The following ANKRD13A variants were observed in gnomAD, a reference collection of about 807,000 sequenced individuals.
The protein encoded by ANKRD13A is ankyrin repeat domain 13A.
In ANKRD13A, 48 loss-of-function variants were observed where a neutral mutation model predicts 81.3. The observed-to-expected ratio is 0.59, with a 90% CI of 0.47 to 0.75. The LOEUF is 0.75. Ranked by LOEUF, ANKRD13A falls within the 30% of genes least tolerant of loss-of-function variation. The pLI is 0.00. For missense variants in ANKRD13A, 612 were observed against 734.0 expected (o/e 0.83, Z 1.92); for synonymous variants, 230 against 270.1 (o/e 0.85, Z 1.45).
At chr12:110,027,995 C>G in intron 9 of ANKRD13A, 1 of 534,332 alleles carries the variant, frequency 1.9e-6, no homozygotes, top group Non-Finnish European at 3.3e-6. Flanking sequence ...AGGTGCTTTC[C>G]CTCTTATCCA....
chr12:110,012,048 T>C lies in ANKRD13A; in HGVS notation c.140T>C (p.Leu47Pro), dbSNP rs1593204213. The C allele has an allele frequency of 6.2e-7, 1 of 1,613,476 alleles. No individual in the cohort carries two copies. Among genetic ancestry groups the C allele is most frequent in the East Asian group, 2.2e-5 (1 of 44,878 alleles). The change falls in exon 2 of 15, where the codon CTT becomes CCT. Residue 47 changes from leucine to proline, a missense_variant. By Grantham distance (98) the Leu-to-Pro change is moderately conservative. Coordinates refer to ENST00000261739, the MANE Select transcript of ANKRD13A (RefSeq NM_033121.2). ...VDPRGRTLLH[L>P]AVSLGHLESA... is the part of the protein sequence containing the mutation. ...CCACGAGGTCGAACATTATTGCATCTTGCTGTTTCCTTGGGACATTTGGAA... is the reference window on the plus strand; with the variant it reads ...CCACGAGGTCGAACATTATTGCATCCTGCTGTTTCCTTGGGACATTTGGAA...
intron 4 of ANKRD13A, among the ~76,000 whole-genome samples, chr12:110,016,959 G>T (rs1160299530): frequency 6.6e-6 from 1 of 151,956 alleles, no homozygotes; most frequent in Non-Finnish European, 1.5e-5. Context: ...TTTTAGTAGA[G>T]AGTGGGGTTT....
intron 4 of ANKRD13A, among the ~76,000 whole-genome samples, chr12:110,017,028 C>A (rs1890835814): frequency 6.6e-6 from 1 of 152,090 alleles, no homozygotes; most frequent in Non-Finnish European, 1.5e-5. Flanking sequence ...CCCACCCTAG[C>A]CCCCCAAAGT....
intron 6 of ANKRD13A, among the ~76,000 whole-genome samples, chr12:110,023,050 G>T (rs546071308): frequency 3.9e-5 from 6 of 152,164 alleles, no homozygotes; most frequent in African/African-American, 7.2e-5. Flanking sequence ...GCTAATAACC[G>T]CATATGTTCT....
At chr12:110,027,592 G>C (rs1370176398) in intron 8 of ANKRD13A, 113 bp from the exon 9 acceptor site, 4 of 945,578 alleles carry the variant, frequency 4.2e-6, no homozygotes, top group Non-Finnish European at 5.1e-6. Flanking sequence ...CAGCCAGTCT[G>C]TAATTGCATT....
At chr12:110,011,623 C>T (rs147375947) in intron 1 of ANKRD13A, among the ~76,000 whole-genome samples, 145 of 152,312 alleles carry the variant, frequency 9.5e-4, no homozygotes, top group African/African-American at 3.4e-3. Flanking sequence ...GACTTGAATG[C>T]TGATATGTGC....
In ANKRD13A at chr12:110,037,818, G is replaced by A. The variant is rs571197795; in HGVS notation, c.*264G>A. The A allele has an allele frequency of 4.7e-5, 15 of 316,096 alleles. No individual in the cohort carries two copies. In the South Asian group the frequency reaches 1.4e-3, roughly 28 times the overall value. The allele number at this position is 316,096 out of a possible 1,614,324, so 19.6% of individuals were successfully genotyped here. On this transcript the variant is annotated 3_prime_UTR_variant, in exon 15 of 15. Coordinates refer to ENST00000261739, the MANE Select transcript of ANKRD13A (RefSeq NM_033121.2). ...ATCATCACTTTCCATTAGCTGTATT[G>A]GCTTGCAGGTCACATTTTTACTACC...
intron 7 of ANKRD13A, among the ~76,000 whole-genome samples, chr12:110,024,545 G>A (rs895100837): frequency 6.6e-6 from 1 of 152,180 alleles, no homozygotes; most frequent in Non-Finnish European, 1.5e-5. Flanking sequence ...TGACATCAGT[G>A]CATTTAAAAC....
chr12:110,020,235 C>A (rs905810071), intron 6 of ANKRD13A, among the ~76,000 whole-genome samples: 1 of 152,192 alleles, frequency 6.6e-6, no homozygotes, highest in Non-Finnish European at 1.5e-5. Context: ...CCACATCCAG[C>A]TCTCTGCAAG....
intron 1 of ANKRD13A, among the ~76,000 whole-genome samples, chr12:110,001,918 T>A (rs1454354314): frequency 1.3e-5 from 2 of 152,194 alleles, no homozygotes; most frequent in Non-Finnish European, 2.9e-5. Context: ...AGGTAAAAAC[T>A]GTAAGACTCA....
intron 2 of ANKRD13A, among the ~76,000 whole-genome samples, chr12:110,012,599 G>A (rs1193955149): frequency 2.0e-5 from 3 of 152,202 alleles, no homozygotes; most frequent in Non-Finnish European, 4.4e-5. Flanking sequence ...ATACACGAAT[G>A]TGGAGGCCAG....
intron 3 of ANKRD13A, among the ~76,000 whole-genome samples, chr12:110,014,997 C>T (rs907940987): frequency 6.6e-6 from 1 of 151,890 alleles, no homozygotes; most frequent in Non-Finnish European, 1.5e-5. Context: ...ACCATGGTCT[C>T]GATCTCCTGA....
chr12:110,019,893 C>T (rs1347590026), intron 6 of ANKRD13A, among the ~76,000 whole-genome samples: 2 of 152,170 alleles, frequency 1.3e-5, no homozygotes, highest in Non-Finnish European at 2.9e-5. Context: ...GAGGTCTGTG[C>T]CTTGGTTAAT....
rs1891633062 is a variant in ANKRD13A at position 110,030,717 on chromosome 12, A to C, written c.1307A>C (p.Glu436Ala). ...GTTAATGGCTGTAGCACTGCCGAAGAATCTGTATCTCAAAATGTGGAAGGG... is the reference window on the plus strand; with the variant it reads ...GTTAATGGCTGTAGCACTGCCGAAGCATCTGTATCTCAAAATGTGGAAGGG... ...GNVNGCSTAE[E>A]SVSQNVEGTQ... The change falls in exon 12 of 15, where the codon GAA (glutamate) becomes GCA (alanine). Residue 436 changes from glutamate (E) to alanine (A), a missense_variant. By Grantham distance (107) the Glu-to-Ala change is moderately radical. Transcript: ENST00000261739. The C allele has an allele frequency of 1.9e-6, 3 of 1,610,048 alleles. No homozygotes were observed. Among genetic ancestry groups the C allele is most frequent in the Admixed American group, 1.7e-5 (1 of 59,754 alleles).
chr12:110,015,941 T>A (rs1324442407), intron 3 of ANKRD13A, among the ~76,000 whole-genome samples: 3 of 151,448 alleles, frequency 2.0e-5, no homozygotes, highest in Non-Finnish European at 2.9e-5. Context: ...GGCTTACACT[T>A]GTTTTTTCTT....
intron 1 of ANKRD13A, among the ~76,000 whole-genome samples, chr12:110,004,122 C>T (rs1890124570): frequency 6.7e-6 from 1 of 150,322 alleles, no homozygotes; most frequent in African/African-American, 2.5e-5. Context: ...CGCACCATTG[C>T]ACTCTAGGCC....
chr12:110,023,959 G>T (rs759661851), intron 6 of ANKRD13A, 87 bp from the exon 7 acceptor site: 7 of 1,341,326 alleles, frequency 5.2e-6, no homozygotes, highest in Non-Finnish European at 6.3e-6. Flanking sequence ...ACTTAAGCTG[G>T]GGGGGAAAAA....
upstream of ANKRD13A, chr12:109,999,410 T>G: frequency 5.5e-6 from 1 of 182,260 alleles, no homozygotes. The surrounding 1 kb of genome is among the most constrained non-coding windows in gnomAD (Gnocchi z 4.3). Flanking sequence ...CACTTCCCTG[T>G]TTGGGGCAGT....
intron 11 of ANKRD13A, 43 bp from the exon 12 acceptor site, chr12:110,030,602 C>G: frequency 8.5e-7 from 1 of 1,175,794 alleles, no homozygotes; most frequent in Non-Finnish European, 1.2e-6. Flanking sequence ...TATTGTTATT[C>G]TCAGTAAAGT....
Sources: allele counts gnomAD v4.1 joint callset (sites outside exome capture counted in the v4.1 genomes callset), GRCh38; gene constraint gnomAD v4.1.1; non-coding constraint Gnocchi (gnomAD v3.1); transcripts MANE v1.5; gene names NCBI Gene and HGNC (gene_info 2026-07-23, HGNC 2026-07-21).